ARPP21: variants seen among roughly 807,000 people sequenced by gnomAD.
ARPP21 encodes cAMP regulated phosphoprotein 21, also known as cAMP-regulated phosphoprotein 21.
In ARPP21, 69 loss-of-function variants were observed where a neutral mutation model predicts 113.2. The observed-to-expected ratio is 0.61, with a 90% CI of 0.50 to 0.74. ARPP21 has a LOEUF of 0.74. ARPP21 is among the 30% of genes least tolerant of loss of function. ARPP21 has a pLI of 0.00. For synonymous variants in ARPP21, 368 were observed against 375.5 expected, an observed-to-expected ratio of 0.98 and a Z score of 0.23; for missense variants, 1,070 against 1,037.4, an observed-to-expected ratio of 1.03 and a Z score of -0.43.
intron 1 of ARPP21, among the ~76,000 whole-genome samples, chr3:35,648,463 C>T (rs762502000): frequency 6.6e-6 from 1 of 152,172 alleles, no homozygotes; most frequent in Non-Finnish European, 1.5e-5. Context: ...TTTTTCTATT[C>T]TGCAACAAAG....
At chr3:35,666,672 C>A (rs577203920) in intron 1 of ARPP21, among the ~76,000 whole-genome samples, 1 of 152,230 alleles carries the variant, frequency 6.6e-6, no homozygotes, top group Admixed American at 6.5e-5. Flanking sequence ...GCTTTATTAA[C>A]AATTTTTCCA....
At chr3:35,674,649 A>T (rs1483029219) in intron 1 of ARPP21, among the ~76,000 whole-genome samples, 1 of 151,882 alleles carries the variant, frequency 6.6e-6, no homozygotes, top group Non-Finnish European at 1.5e-5. Flanking sequence ...GAAATTGGGC[A>T]GCTAGATCTC....
At chr3:35,719,698 C>G (rs894186208) in intron 13 of ARPP21, among the ~76,000 whole-genome samples, 3 of 152,106 alleles carry the variant, frequency 2.0e-5, no homozygotes, top group African/African-American at 7.2e-5. Flanking sequence ...GGATCACCCC[C>G]ATATGGAGAG....
At chr3:35,742,853 G>A (rs191003189) in intron 18 of ARPP21, among the ~76,000 whole-genome samples, 4 of 152,222 alleles carry the variant, frequency 2.6e-5, no homozygotes, top group South Asian at 2.1e-4. Flanking sequence ...TATGATAGGC[G>A]AAAACTCAGA....
At chr3:35,766,564 T>G (rs2095985584) in intron 19 of ARPP21, among the ~76,000 whole-genome samples, 1 of 152,198 alleles carries the variant, frequency 6.6e-6, no homozygotes, top group South Asian at 2.1e-4. Flanking sequence ...CTTCACTTGG[T>G]TGTAGTCTGT....
chr3:35,689,454 C>T (rs1467688800), intron 7 of ARPP21, 69 bp downstream of exon 7: 1 of 815,632 alleles, frequency 1.2e-6, no homozygotes. Context: ...AGTTATTAAT[C>T]CAACACTTCT....
At chr3:35,660,289 G>A (rs1313923333) in intron 1 of ARPP21, among the ~76,000 whole-genome samples, 4 of 152,198 alleles carry the variant, frequency 2.6e-5, no homozygotes, top group African/African-American at 7.2e-5. Context: ...ACACAAGATG[G>A]TATCTATAAA....
intron 1 of ARPP21, among the ~76,000 whole-genome samples, chr3:35,673,594 T>C (rs1345682201): frequency 6.6e-6 from 1 of 152,008 alleles, no homozygotes; most frequent in African/African-American, 2.4e-5. Flanking sequence ...GGAAACATCT[T>C]ATTTTCCCTA....
chr3:35,749,448 A>G, intron 19 of ARPP21, among the ~76,000 whole-genome samples: 1 of 151,426 alleles, frequency 6.6e-6, no homozygotes, highest in Admixed American at 6.6e-5. Flanking sequence ...AAAAAAAAAA[A>G]AAGGAACTTA....
chr3:35,685,008 T>C (rs2080123816), intron 5 of ARPP21: 1 of 984,588 alleles, frequency 1.0e-6, no homozygotes, highest in Non-Finnish European at 1.2e-6. Context: ...TCACGGCTTA[T>C]ATTATTAAAT....
At chr3:35,708,668 C>T (rs534433312) in intron 10 of ARPP21, among the ~76,000 whole-genome samples, 1 of 152,326 alleles carries the variant, frequency 6.6e-6, no homozygotes, top group East Asian at 1.9e-4. Flanking sequence ...GATGAGCCAT[C>T]ACGTATGTGA....
intron 19 of ARPP21, among the ~76,000 whole-genome samples, chr3:35,784,072 T>C (rs2096581455): frequency 6.6e-6 from 1 of 152,162 alleles, no homozygotes; most frequent in Admixed American, 6.5e-5. Flanking sequence ...CAGGTGCCTA[T>C]CCAAGTGTAC....
chr3:35,794,419 T>A lies in ARPP21; in HGVS notation c.*461T>A, dbSNP rs1003246974. The A allele has an allele frequency of 3.2e-5, 5 of 158,186 alleles. No individual in the cohort carries two copies. Among genetic ancestry groups the A allele is most frequent in the Admixed American group, 3.0e-4 (5 of 16,608 alleles). The allele number at this position is 158,186 out of a possible 1,614,324, so 9.8% of individuals were successfully genotyped here. The stretch of plus-strand genomic sequence containing the variant: ...GTTTTCTTTTTTAATGGATATATAC[T>A]GTATTGTAGTGTTTAATCAAAATAA... On this transcript the variant is annotated 3_prime_UTR_variant, in exon 21 of 21. Coordinates refer to ENST00000684406, the MANE Select transcript of ARPP21 (RefSeq NM_001385562.1).
chr3:35,667,201 G>T (rs1261326757), intron 1 of ARPP21, among the ~76,000 whole-genome samples: 1 of 152,034 alleles, frequency 6.6e-6, no homozygotes, highest in Non-Finnish European at 1.5e-5. Flanking sequence ...TCTCCAATAA[G>T]TATATTTAAA....
intron 19 of ARPP21, among the ~76,000 whole-genome samples, chr3:35,783,788 C>T (rs2096574772): frequency 6.6e-6 from 1 of 152,204 alleles, no homozygotes; most frequent in Non-Finnish European, 1.5e-5. Flanking sequence ...CTATCCTCTA[C>T]TTCCTCTGCC....
At chr3:35,760,628 T>C (rs762853600) in intron 19 of ARPP21, among the ~76,000 whole-genome samples, 1 of 152,030 alleles carries the variant, frequency 6.6e-6, no homozygotes, top group Non-Finnish European at 1.5e-5. Context: ...GACTGTAGTA[T>C]GTGCATGGAA....
Position 35,737,261 on chromosome 3 carries a change from G to A in ARPP21, c.1543G>A (p.Gly515Arg). The A allele has an allele frequency of 1.2e-6, 2 of 1,612,746 alleles. No homozygotes were observed. Among genetic ancestry groups the A allele is most frequent in the South Asian group, 1.1e-5 (1 of 90,810 alleles). ...SQQPLRSAMVGQSQQQPPQQQ... is the reference protein window; with the variant it reads ...SQQPLRSAMVRQSQQQPPQQQ... ...GCAGCCCCTGCGAAGCGCCATGGTG[G>A]GGCAGTCCCAACAGCAGCCACCACA... The change falls in exon 16 of 21, where the codon GGG (glycine) becomes AGG (arginine). Residue 515 changes from glycine to arginine, a missense_variant. Coordinates refer to ENST00000684406, the MANE Select transcript of ARPP21 (RefSeq NM_001385562.1).
chr3:35,671,701 G>C (rs894185440), intron 1 of ARPP21, among the ~76,000 whole-genome samples: 2 of 151,952 alleles, frequency 1.3e-5, no homozygotes, highest in Non-Finnish European at 2.9e-5. Flanking sequence ...ATGACAGTTC[G>C]ATGAGGACCC....
intron 3 of ARPP21, chr3:35,682,449 G>C (rs987123242): frequency 5.9e-6 from 1 of 169,556 alleles, no homozygotes; most frequent in Non-Finnish European, 1.2e-5. Context: ...AAAGAGATTC[G>C]GTAGAAGGAA....
Sources: allele counts gnomAD v4.1 joint callset (sites outside exome capture counted in the v4.1 genomes callset), GRCh38; gene constraint gnomAD v4.1.1; transcripts MANE v1.5; gene names NCBI Gene and HGNC (gene_info 2026-07-23, HGNC 2026-07-21).